Variants in DAB1 observed in about 807,000 individuals in gnomAD.
DAB1 encodes disabled homolog 1.
A neutral mutation model predicts 64.6 loss-of-function variants in DAB1; 15 were observed. The observed-to-expected ratio is 0.23, with a 90% CI of 0.16 to 0.36. The LOEUF is 0.36. DAB1 is among the 10% of genes least tolerant of loss of function. DAB1 has a pLI of 1.00. For synonymous variants in DAB1, 235 were observed against 251.9 expected, an observed-to-expected ratio of 0.93 and a Z score of 0.64; for missense variants, 596 against 706.7, an observed-to-expected ratio of 0.84 and a Z score of 1.78.
chr1:57,094,126 G>GA (rs971199449), intron 4 of DAB1, among the ~76,000 whole-genome samples: 3 of 142,558 alleles, frequency 2.1e-5, no homozygotes, highest in Admixed American at 7.1e-5. Flanking sequence ...AAAAAAAAAA[G>GA]GAATCTTGGA....
At chr1:58,436,027 T>C (rs1462370152) in intron 3 of DAB1, among the ~76,000 whole-genome samples, 2 of 152,220 alleles carry the variant, frequency 1.3e-5, no homozygotes, top group Non-Finnish European at 2.9e-5. Flanking sequence ...CCAGCCTGTT[T>C]AACTGAGGTC....
intron 3 of DAB1, among the ~76,000 whole-genome samples, chr1:58,358,713 A>G (rs986703737): frequency 2.6e-4 from 40 of 152,180 alleles, no homozygotes; most frequent in African/African-American, 9.2e-4. Context: ...TTAAAATAGC[A>G]CCATCAAATA....
Position 57,285,399 on chromosome 1 carries a change from G to T in DAB1, c.67+5565C>A, listed in dbSNP as rs1252895527. Among the ~76,000 whole-genome samples the T allele has an allele frequency of 2.6e-5, 4 of 152,288 alleles. No individual in the cohort carries two copies. In the East Asian group the frequency reaches 7.7e-4, roughly 29 times the overall value. ...TCCTCCTGCCTCAGCCTCCCAAGTA[G>T]CTGGGATTACAGGCGAGTGCCACCA... On this transcript the variant is annotated intron_variant, in intron 2 of 14. Transcript: ENST00000371236.
At chr1:57,752,794 A>G (rs879745788) in intron 6 of DAB1, among the ~76,000 whole-genome samples, 1 of 152,204 alleles carries the variant, frequency 6.6e-6, no homozygotes, top group Non-Finnish European at 1.5e-5. Flanking sequence ...AACAGAATCT[A>G]ATTTATACAG....
intron 1 of DAB1, among the ~76,000 whole-genome samples, chr1:57,367,531 G>A (rs1162563083): frequency 6.6e-6 from 1 of 152,098 alleles, no homozygotes; most frequent in Non-Finnish European, 1.5e-5. Flanking sequence ...TCAGCAAAGG[G>A]CAAATGCTCC....
intron 2 of DAB1, among the ~76,000 whole-genome samples, chr1:58,507,710 T>C (rs1455628642): frequency 6.6e-6 from 1 of 152,098 alleles, no homozygotes; most frequent in Admixed American, 6.5e-5. Flanking sequence ...GTGTAAAATA[T>C]GTATGTAACA....
chr1:58,290,808 A>G (rs1661805926), intron 4 of DAB1, among the ~76,000 whole-genome samples: 1 of 152,058 alleles, frequency 6.6e-6, no homozygotes. Context: ...GCAAGTTAGG[A>G]TCCTCCAGGC....
intron 9 of DAB1, chr1:57,033,374 T>A: frequency 6.2e-7 from 1 of 1,612,724 alleles, no homozygotes; most frequent in Non-Finnish European, 8.5e-7. Flanking sequence ...AACACAAACC[T>A]CAAGGCCTTA....
chr1:57,346,010 C>T (rs997320124), intron 1 of DAB1, among the ~76,000 whole-genome samples: 5 of 152,156 alleles, frequency 3.3e-5, no homozygotes, highest in Non-Finnish European at 5.9e-5. Flanking sequence ...CATTTAAAAA[C>T]GAAAACCCTG....
intron 1 of DAB1, chr1:57,862,544 A>G (rs955312253): frequency 6.6e-6 from 1 of 152,214 alleles, no homozygotes; most frequent in Non-Finnish European, 1.5e-5. Flanking sequence ...GGAAGAAAAT[A>G]TTTGAAAAAG....
chr1:57,957,902 AT>A (rs1225294636), intron 5 of DAB1, among the ~76,000 whole-genome samples: 1 of 152,100 alleles, frequency 6.6e-6, no homozygotes, highest in Non-Finnish European at 1.5e-5. Flanking sequence ...TAAGTCTTTG[AT>A]TGTGGGAAGA....
At chr1:57,250,812 A>G (rs492905) in intron 2 of DAB1, among the ~76,000 whole-genome samples, 89,040 of 152,032 alleles carry the variant, frequency 0.59, 26,283 homozygotes, top group Admixed American at 0.66. Flanking sequence ...TTATCATGTC[A>G]TCTTTTCAGA....
chr1:57,194,563 G>C (rs1445780248), intron 2 of DAB1, among the ~76,000 whole-genome samples: 1 of 152,148 alleles, frequency 6.6e-6, no homozygotes, highest in Non-Finnish European at 1.5e-5. Context: ...ACGTGGAAAA[G>C]CCCTTTCCCT....
chr1:57,120,307 T>G (rs61765321), intron 4 of DAB1, among the ~76,000 whole-genome samples: 10,878 of 152,220 alleles, frequency 0.071, 524 homozygotes, highest in Non-Finnish European at 0.11. Context: ...AACGTAACTG[T>G]TGTAAGTGAG....
intron 6 of DAB1, among the ~76,000 whole-genome samples, chr1:57,702,278 G>A (rs1258698455): frequency 1.3e-5 from 2 of 152,084 alleles, no homozygotes; most frequent in African/African-American, 2.4e-5. Context: ...TTGGTGCTGA[G>A]TATTTCTTTT....
rs71043289 is a variant in DAB1, at chr1:58,485,228, T to TAAAAAAAAAA, written n.257+20822_257+20831dup. On this transcript the variant is annotated intron_variant and non_coding_transcript_variant, in intron 3 of 20. Transcript: ENST00000485760. ...GTCTAAAAATAAAAGAGTCTACTAC[T>TAAAAAAAAAA]AAAAAAAAAAAAAAAAAAAAAAAAA... 8.0e-3 allele frequency among the ~76,000 whole-genome samples: 337 copies of TAAAAAAAAAA among 42,022 alleles called. 10 individuals are homozygous for TAAAAAAAAAA. The highest frequency in any genetic ancestry group is 0.012 in the Non-Finnish European group (281 of 24,112). The allele number at this position is 42,022 out of a possible 152,430, so 27.6% of individuals were successfully genotyped here.
At chr1:57,388,106 T>G (rs1205582692) in intron 1 of DAB1, among the ~76,000 whole-genome samples, 1 of 152,212 alleles carries the variant, frequency 6.6e-6, no homozygotes, top group African/African-American at 2.4e-5. Flanking sequence ...TAAGTACTCA[T>G]ATTCTTGCAT....
chr1:57,428,892 A>AT (rs1052610482), upstream of DAB1, among the ~76,000 whole-genome samples: 44 of 140,010 alleles, frequency 3.1e-4, no homozygotes, highest in South Asian at 6.9e-4. Context: ...GTTTGTTTTG[A>AT]TTTTTTTTGT....
At chr1:57,723,221 A>T (rs1647172070) in intron 6 of DAB1, among the ~76,000 whole-genome samples, 1 of 152,202 alleles carries the variant, frequency 6.6e-6, no homozygotes, top group Non-Finnish European at 1.5e-5. Context: ...GAGCTGTGTG[A>T]CCACGGGCAA....
Sources: gnomAD v4.1 joint callset for allele counts (sites outside exome capture counted in the v4.1 genomes callset) on GRCh38, gnomAD v4.1.1 for gene constraint, MANE v1.5 for transcripts, NCBI Gene and HGNC (gene_info 2026-07-23, HGNC 2026-07-21) for gene names.